The following TFPI variants were observed in gnomAD, a reference collection of about 807,000 sequenced individuals.
TFPI encodes the protein anti-convertin.
In TFPI, 15 loss-of-function variants were observed where a neutral mutation model predicts 34.6. The ratio of observed to expected loss-of-function variants is 0.43; its 90% CI spans 0.29 to 0.67. The LOEUF (loss-of-function observed/expected upper bound fraction) is 0.67, where lower values mean the gene tolerates loss of function less well. TFPI is among the 30% of genes least tolerant of loss of function. TFPI has a pLI of 0.15. For missense variants in TFPI, 301 were observed against 364.0 expected (o/e 0.83, Z 1.41); for synonymous variants, 105 against 120.1 (o/e 0.87, Z 0.82).
chr2:187,478,611 G>T, intron 6 of TFPI: 2 of 1,555,846 alleles, frequency 1.3e-6, no homozygotes, highest in Non-Finnish European at 8.7e-7. Flanking sequence ...AACTTTATTA[G>T]CAGTATGCTA....
intron 1 of TFPI, among the ~76,000 whole-genome samples, chr2:187,509,707 C>A (rs1486991139): frequency 6.6e-6 from 1 of 152,112 alleles, no homozygotes; most frequent in East Asian, 1.9e-4. Context: ...ATTAGTCTGG[C>A]TAGCAATCTA....
At chr2:187,467,983 G>T in intron 6 of TFPI, 51 bp from the exon 7 acceptor site, 1 of 1,450,576 alleles carries the variant, frequency 6.9e-7, no homozygotes, top group Non-Finnish European at 9.2e-7. Context: ...GTGGATTTCA[G>T]GTTTTCGTAT....
intron 1 of TFPI, among the ~76,000 whole-genome samples, chr2:187,543,013 CAG>C (rs1415849795): frequency 1.3e-5 from 2 of 152,014 alleles, no homozygotes; most frequent in Admixed American, 1.3e-4. Context: ...GTTAACTGGA[CAG>C]AGATAAAGAA....
chr2:187,483,164 T>C (rs898802591), intron 6 of TFPI, among the ~76,000 whole-genome samples: 15 of 151,964 alleles, frequency 9.9e-5, no homozygotes, highest in Non-Finnish European at 1.8e-4. Context: ...GTTGTTCGTT[T>C]GTTTGTTTGT....
chr2:187,506,007 A>T (rs567061297), intron 1 of TFPI, among the ~76,000 whole-genome samples: 74 of 151,976 alleles, frequency 4.9e-4, no homozygotes, highest in African/African-American at 1.7e-3. Context: ...TAAAAAAAAG[A>T]AAAGCAAAAG....
chr2:187,519,457 C>T (rs897944880), intron 1 of TFPI: 1 of 153,278 alleles, frequency 6.5e-6, no homozygotes, highest in African/African-American at 2.4e-5. Context: ...CCCTGTTTGC[C>T]TGGGTATCAC....
Position 187,526,665 on chromosome 2 carries a change from A to G in TFPI, c.-2-22895T>C, listed in dbSNP as rs149792262. On this transcript the variant is annotated intron_variant, in intron 1 of 7. Transcript: ENST00000233156. ...CTAGAAAAAAATTTATGGTGCTAAC[A>G]TGTATACTAAAAGCATGGTACTTAT... 1.1e-4 allele frequency among the ~76,000 whole-genome samples: 17 copies of G among 152,282 alleles called. 1 individual carries two copies. The East Asian group carries it at 2.9e-3, about 26-fold the overall frequency.
At chr2:187,491,887 A>G (rs8176482) in intron 3 of TFPI, among the ~76,000 whole-genome samples, 7,197 of 152,214 alleles carry the variant, frequency 0.047, 209 homozygotes, top group Middle Eastern at 0.11. Flanking sequence ...TTTTAATAGT[A>G]GCCATTCTGA....
At chr2:187,508,123 A>G (rs1686357522) in intron 1 of TFPI, among the ~76,000 whole-genome samples, 1 of 152,070 alleles carries the variant, frequency 6.6e-6, no homozygotes, top group Non-Finnish European at 1.5e-5. Context: ...ATGATTTTAG[A>G]TGTGTGCTGT....
At chr2:187,494,068 A>G (rs1685299170) in intron 3 of TFPI, among the ~76,000 whole-genome samples, 1 of 152,198 alleles carries the variant, frequency 6.6e-6, no homozygotes. Flanking sequence ...TCTTACATGG[A>G]TAGCGGCAGG....
rs181483369 is a variant in TFPI at position 187,509,926 on chromosome 2, C to T, written c.-2-6156G>A. Among the ~76,000 whole-genome samples the T allele has an allele frequency of 4.5e-3, 682 of 152,280 alleles. 2 individuals carry two copies. Among genetic ancestry groups the T allele is most frequent in the African/African-American group, 9.2e-3 (382 of 41,558 alleles). On this transcript the variant is annotated intron_variant, in intron 1 of 7. Coordinates refer to ENST00000233156, the MANE Select transcript of TFPI (RefSeq NM_006287.6). ...ACATTCCTTATCCTTTATGCCTCCC[C>T]GTTTTAGTTTCAGTAAACAACTTTC...
At chr2:187,552,868 A>G (rs1689142350) in intron 1 of TFPI, among the ~76,000 whole-genome samples, 1 of 152,076 alleles carries the variant, frequency 6.6e-6, no homozygotes, top group Non-Finnish European at 1.5e-5. Context: ...GTAAAAATAA[A>G]TATTTTAAAG....
chr2:187,521,819 T>G (rs775383056), intron 1 of TFPI, among the ~76,000 whole-genome samples: 4 of 152,088 alleles, frequency 2.6e-5, no homozygotes, highest in Non-Finnish European at 5.9e-5. Context: ...CACCTGCCTC[T>G]GCCTTCCAGA....
At chr2:187,522,171 A>G (rs13396430) in intron 1 of TFPI, among the ~76,000 whole-genome samples, 1 of 151,970 alleles carries the variant, frequency 6.6e-6, no homozygotes, top group South Asian at 2.1e-4. Flanking sequence ...TTGTCTTTTT[A>G]TTCTGTTGAT....
At chr2:187,500,937 A>T (rs2106107279) in intron 2 of TFPI, among the ~76,000 whole-genome samples, 1 of 152,300 alleles carries the variant, frequency 6.6e-6, no homozygotes, top group South Asian at 2.1e-4. Context: ...TACAGATATG[A>T]CAGTAAATTA....
At position 187,465,096 on chromosome 2, in the gene TFPI, G is replaced by T. The variant is rs969789680; in HGVS notation, c.*1840C>A. The T allele has an allele frequency of 7.9e-5, 12 of 152,132 alleles. No homozygotes were observed. Among genetic ancestry groups the T allele is most frequent in the African/African-American group, 2.9e-4 (12 of 41,428 alleles). The allele number at this position is 152,132 out of a possible 1,614,324, so 9.4% of individuals were successfully genotyped here. On this transcript the variant is annotated 3_prime_UTR_variant, in exon 8 of 8. Coordinates refer to ENST00000233156, the MANE Select transcript of TFPI (RefSeq NM_006287.6). ...CCAAAAACATACATCAAAATTAAAT[G>T]GTGAGGTTGAAGGTTGTAGTTAAGT...
intron 1 of TFPI, among the ~76,000 whole-genome samples, chr2:187,535,468 C>T (rs1688198844): frequency 6.6e-6 from 1 of 152,176 alleles, no homozygotes; most frequent in South Asian, 2.1e-4. Context: ...ACTGATCAAC[C>T]AGCTCCTGAA....
At chr2:187,509,871 C>T (rs1053359905) in intron 1 of TFPI, among the ~76,000 whole-genome samples, 1 of 152,192 alleles carries the variant, frequency 6.6e-6, no homozygotes, top group Admixed American at 6.5e-5. Context: ...AGCGTCCTTG[C>T]TCTTTGTTCC....
rs989686157 is a variant in TFPI at position 187,478,921 on chromosome 2, CA to C, written c.628+5202del. ...CTGTATAGTACATTATGTTTTTCTT[CA>C]AAAAAATCTTGTAATCTAGACAGTG... On this transcript the variant is annotated intron_variant, in intron 6 of 7. Transcript: ENST00000233156. The C allele has an allele frequency of 7.5e-5, 57 of 755,856 alleles. 1 individual carries two copies. In the African/African-American group the frequency reaches 8.5e-4, roughly 11 times the overall value. The allele number at this position is 755,856 out of a possible 1,614,324, so 46.8% of individuals were successfully genotyped here. A position where few individuals can be genotyped will look rare whatever the true frequency, so the allele number is the denominator to read the frequency against.
Sources: gnomAD v4.1 joint callset for allele counts (sites outside exome capture counted in the v4.1 genomes callset) on GRCh38, gnomAD v4.1.1 for gene constraint, MANE v1.5 for transcripts, NCBI Gene and HGNC (gene_info 2026-07-23, HGNC 2026-07-21) for gene names.